The following TBCE variants were observed in gnomAD, a reference collection of about 807,000 sequenced individuals.
TBCE encodes tubulin-specific chaperone E.
A neutral mutation model predicts 77.0 loss-of-function variants in TBCE; 53 were observed. The observed-to-expected ratio is 0.69, with a 90% CI of 0.55 to 0.87. The LOEUF (loss-of-function observed/expected upper bound fraction) is 0.87, where lower values mean the gene tolerates loss of function less well. TBCE is among the 40% of genes least tolerant of loss of function. TBCE has a pLI of 0.00. For synonymous variants in TBCE, 235 were observed against 241.3 expected (o/e 0.97, Z 0.24); for missense variants, 624 against 622.4 (o/e 1.00, Z -0.03).
intron 2 of TBCE, among the ~76,000 whole-genome samples, chr1:235,393,308 G>T (rs1172993229): frequency 6.6e-6 from 1 of 152,246 alleles, no homozygotes; most frequent in Non-Finnish European, 1.5e-5. Context: ...GGAGGCCGAG[G>T]TGGGTGGATC....
At position 235,437,595 on chromosome 1, in the gene TBCE, G is replaced by A. The variant is rs540362600; in HGVS notation, c.1116+121G>A. On this transcript the variant is annotated intron_variant, in intron 12 of 16. Coordinates refer to ENST00000642610, the MANE Select transcript of TBCE (RefSeq NM_003193.5). The stretch of plus-strand genomic sequence containing the variant: ...GGGAGGCTGGGGCAGGCTGATCGCT[G>A]CAGTCCAGGAGTTTGAGACCAGCCT... The A allele has an allele frequency of 1.8e-5, 21 of 1,198,682 alleles. No individual in the cohort carries two copies. The Admixed American group carries it at 3.1e-4, about 18-fold the overall frequency. The allele number at this position is 1,198,682 out of a possible 1,614,324, so 74.3% of individuals were successfully genotyped here. A position where few individuals can be genotyped will look rare whatever the true frequency, so the allele number is the denominator to read the frequency against.
At chr1:235,445,736 C>CT (rs1211941179) in intron 15 of TBCE, among the ~76,000 whole-genome samples, 1 of 152,240 alleles carries the variant, frequency 6.6e-6, no homozygotes, top group East Asian at 1.9e-4. Flanking sequence ...GCAGTATACC[C>CT]TTTTTTAAAG....
intron 5 of TBCE, among the ~76,000 whole-genome samples, chr1:235,424,930 C>T (rs1374123125): frequency 6.6e-6 from 1 of 152,122 alleles, no homozygotes; most frequent in South Asian, 2.1e-4. Context: ...CGTGAGCCGC[C>T]GCGCCTGGCC....
At chr1:235,419,646 G>A in intron 5 of TBCE, 85 bp downstream of exon 5, 1 of 1,569,704 alleles carries the variant, frequency 6.4e-7, no homozygotes, top group Non-Finnish European at 8.7e-7. Context: ...CCTACCCATT[G>A]TCCAGTCTTG....
intron 4 of TBCE, among the ~76,000 whole-genome samples, chr1:235,417,365 G>A (rs1046527524): frequency 1.3e-5 from 2 of 152,176 alleles, no homozygotes; most frequent in African/African-American, 4.8e-5. Context: ...TTTCAATGAT[G>A]TCATAAGCCT....
At position 235,389,878 on chromosome 1, in the gene TBCE, C is replaced by T. The variant is rs560271261; in HGVS notation, c.100+9729C>T. Among the ~76,000 whole-genome samples the T allele has an allele frequency of 8.5e-5, 13 of 152,164 alleles. No individual in the cohort carries two copies. The South Asian group carries it at 2.7e-3, about 32-fold the overall frequency. On this transcript the variant is annotated intron_variant, in intron 2 of 16. Transcript: ENST00000642610. ...GTGGCTCATGCCTGTAATCCCAGCA[C>T]TTCAGGAAGCCAAGGCTGTAGATCA...
At chr1:235,396,275 G>A (rs182021291) in intron 2 of TBCE, among the ~76,000 whole-genome samples, 53 of 151,868 alleles carry the variant, frequency 3.5e-4, no homozygotes, top group African/African-American at 1.2e-3. Context: ...AGCCAGGATG[G>A]TCTCGATCTC....
At chr1:235,403,597 G>C (rs549828342) in intron 3 of TBCE, among the ~76,000 whole-genome samples, 1 of 152,246 alleles carries the variant, frequency 6.6e-6, no homozygotes, top group South Asian at 2.1e-4. Flanking sequence ...GGTCTTTAAT[G>C]GTCTCTGGAT....
chr1:235,376,382 T>C (rs551436692), intron 1 of TBCE, among the ~76,000 whole-genome samples: 1 of 152,144 alleles, frequency 6.6e-6, no homozygotes, highest in African/African-American at 2.4e-5. Context: ...GATGTAGTAG[T>C]ACCCTTAAGC....
chr1:235,401,669 A>C (rs1679114454), intron 3 of TBCE, 82 bp downstream of exon 3: 1 of 1,221,462 alleles, frequency 8.2e-7, no homozygotes, highest in African/African-American at 1.5e-5. Flanking sequence ...GAGAGGAAGA[A>C]ATGTTTGGCT....
intron 1 of TBCE, among the ~76,000 whole-genome samples, chr1:235,375,167 G>T: frequency 6.6e-6 from 1 of 151,478 alleles, no homozygotes; most frequent in Non-Finnish European, 1.5e-5. Context: ...TGATCCGCCT[G>T]CCTTGTCCTC....
intron 1 of TBCE, among the ~76,000 whole-genome samples, chr1:235,370,806 A>T (rs1572297820): frequency 1.4e-5 from 2 of 140,084 alleles, no homozygotes; most frequent in Admixed American, 7.4e-5. Flanking sequence ...CAATTGTGTG[A>T]TGTCGGCTCA....
In TBCE at chr1:235,373,716, T is replaced by A. The variant is rs1677118166; in HGVS notation, c.-32+6212T>A. ...CAGGCTGAAGTGCGGTGGCGCGATC[T>A]CGGCTCACTGCAAGCTCCGCCTCCC... is the stretch of plus-strand genomic sequence containing the variant. On this transcript the variant is annotated intron_variant, in intron 1 of 16. Coordinates refer to ENST00000642610, the MANE Select transcript of TBCE (RefSeq NM_003193.5). Among the ~76,000 whole-genome samples the A allele has an allele frequency of 2.0e-5, 3 of 151,858 alleles. No individual in the cohort carries two copies. The South Asian group carries it at 6.2e-4, about 32-fold the overall frequency.
rs1447950065 is a variant in TBCE at position 235,382,140 on chromosome 1, G to A, written c.100+1991G>A. Among the ~76,000 whole-genome samples, 169 of 151,590 alleles carry A rather than the reference G, an allele frequency of 1.1e-3. 2 individuals are homozygous for A. Among genetic ancestry groups the A allele is most frequent in the African/African-American group, 3.8e-3 (157 of 41,296 alleles). Reference sequence around the variant, plus strand: ...TCATCCATGTCCCTATAAAGGACATGAACTCATCATTTTTTATGGCTGCAT... The same window carrying A: ...TCATCCATGTCCCTATAAAGGACATAAACTCATCATTTTTTATGGCTGCAT... On this transcript the variant is annotated intron_variant, in intron 2 of 16. Transcript: ENST00000642610.
intron 1 of TBCE, among the ~76,000 whole-genome samples, chr1:235,371,037 G>GGTTT (rs1558339723): frequency 2.5e-5 from 1 of 39,650 alleles, no homozygotes; most frequent in Non-Finnish European, 5.3e-5. Context: ...ATCACGCCTG[G>GGTTT]CTTTTTTTTT....
chr1:235,415,359 G>C (rs1044944851), intron 4 of TBCE: 1 of 152,234 alleles, frequency 6.6e-6, no homozygotes, highest in Non-Finnish European at 1.5e-5. Context: ...CTTTGTACAA[G>C]GAGGCTTTCT....
At chr1:235,377,732 A>G (rs955985211) in intron 1 of TBCE, among the ~76,000 whole-genome samples, 1 of 151,382 alleles carries the variant, frequency 6.6e-6, no homozygotes. Context: ...GCTCATTGCA[A>G]CCTCTGCCTC....
chr1:235,435,224 CCA>C, intron 8 of TBCE, among the ~76,000 whole-genome samples: 2 of 152,010 alleles, frequency 1.3e-5, no homozygotes, highest in Non-Finnish European at 2.9e-5. Flanking sequence ...CCTCAGCCTC[CCA>C]TGTAGCTGGG....
intron 3 of TBCE, among the ~76,000 whole-genome samples, chr1:235,407,227 A>G (rs1365284554): frequency 2.0e-5 from 3 of 147,678 alleles, no homozygotes; most frequent in Admixed American, 6.9e-5. Flanking sequence ...TCAACCTCCT[A>G]TGCTCAAGCA....
Sources: gnomAD v4.1 joint callset for allele counts (sites outside exome capture counted in the v4.1 genomes callset) on GRCh38, gnomAD v4.1.1 for gene constraint, MANE v1.5 for transcripts, NCBI Gene and HGNC (gene_info 2026-07-23, HGNC 2026-07-21) for gene names.